Variants in ZC3H13 observed in about 807,000 individuals in gnomAD.
ZC3H13 encodes the protein zinc finger CCCH domain-containing protein 13.
A neutral mutation model predicts 204.1 loss-of-function variants in ZC3H13; 64 were observed. The observed-to-expected ratio is 0.31, with a 90% CI of 0.26 to 0.39. The LOEUF (loss-of-function observed/expected upper bound fraction) is 0.39. Ranked by LOEUF, ZC3H13 falls within the 10% of genes least tolerant of loss-of-function variation. ZC3H13 has a pLI of 1.00. For missense variants in ZC3H13, 1,833 were observed against 2,082.7 expected (o/e 0.88, Z 2.33); for synonymous variants, 667 against 693.7 (o/e 0.96, Z 0.60).
chr13:45,985,189 T>G, intron 10 of ZC3H13, 108 bp downstream of exon 10: 1 of 1,176,760 alleles, frequency 8.5e-7, no homozygotes, highest in Non-Finnish European at 1.2e-6. Flanking sequence ...TAATTAAAAA[T>G]TACTGTGACA....
At chr13:46,008,360 GT>G (rs1357848458) in intron 7 of ZC3H13, among the ~76,000 whole-genome samples, 1 of 150,810 alleles carries the variant, frequency 6.6e-6, no homozygotes, top group Non-Finnish European at 1.5e-5. Flanking sequence ...TCAATTAAAT[GT>G]TTTCTTTGTA....
At chr13:46,041,043 C>T (rs1173444519) in intron 4 of ZC3H13, among the ~76,000 whole-genome samples, 1 of 152,136 alleles carries the variant, frequency 6.6e-6, no homozygotes, top group African/African-American at 2.4e-5. Context: ...GTTAAACACA[C>T]AGTTACCGTA....
intron 4 of ZC3H13, among the ~76,000 whole-genome samples, chr13:46,036,036 A>AT (rs944665294): frequency 9.9e-5 from 15 of 151,808 alleles, no homozygotes; most frequent in African/African-American, 3.4e-4. Flanking sequence ...TAATCCCAAC[A>AT]TTTTTGGAGG....
intron 8 of ZC3H13, among the ~76,000 whole-genome samples, chr13:45,991,424 T>C (rs2039963451): frequency 1.3e-5 from 2 of 152,226 alleles, no homozygotes; most frequent in Admixed American, 1.3e-4. Context: ...AACTTTTTAA[T>C]CATATTTTCT....
chr13:46,051,582 ATAAG>A (rs1430810646), intron 1 of ZC3H13, among the ~76,000 whole-genome samples: 1 of 152,236 alleles, frequency 6.6e-6, no homozygotes, highest in African/African-American at 2.4e-5. Context: ...ACTGAACTGC[ATAAG>A]TATTTATTCT....
chr13:46,004,575 A>C (rs530480140), intron 7 of ZC3H13, among the ~76,000 whole-genome samples: 8 of 152,250 alleles, frequency 5.3e-5, no homozygotes, highest in Non-Finnish European at 5.9e-5. Flanking sequence ...AGATTTAGGT[A>C]ATCATTTTTA....
Position 45,968,884 on chromosome 13 carries a change from G to T in ZC3H13, c.3660C>A (p.Asp1220Glu). 1 of 1,614,062 alleles carries T rather than the reference G, an allele frequency of 6.2e-7. No homozygotes were observed. Residue 1220 changes from aspartate to glutamate, a missense_variant, in exon 14 of 19, where the codon GAC becomes GAA. Physicochemically the swap from Asp to Glu is conservative, Grantham distance 45. Coordinates refer to ENST00000679008, the MANE Select transcript of ZC3H13 (RefSeq NM_001330564.2). ...SNDSAHRSGD[D>E]QSGRKRVLHS... ...GCAGTACTCTCTTTCGACCACTTTG[G>T]TCATCTCCACTTCGATGGGCTGAAT...
intron 1 of ZC3H13, among the ~76,000 whole-genome samples, chr13:46,049,092 C>A (rs1488127299): frequency 1.4e-5 from 2 of 147,602 alleles, no homozygotes; most frequent in African/African-American, 5.0e-5. Flanking sequence ...GTGGAGGTTG[C>A]AGTGAGCCGA....
chr13:45,988,460 T>C (rs1006483156), intron 9 of ZC3H13, among the ~76,000 whole-genome samples: 1 of 152,118 alleles, frequency 6.6e-6, no homozygotes, highest in African/African-American at 2.4e-5. Flanking sequence ...GGTCTCACCA[T>C]ATTAGCCAGG....
chr13:46,032,564 C>T (rs1352552409), intron 4 of ZC3H13, among the ~76,000 whole-genome samples: 1 of 152,142 alleles, frequency 6.6e-6, no homozygotes, highest in Non-Finnish European at 1.5e-5. Flanking sequence ...GCTCTGTGTG[C>T]TGCTGGCAAC....
intron 5 of ZC3H13, among the ~76,000 whole-genome samples, chr13:46,012,133 T>C (rs1227703197): frequency 6.6e-6 from 1 of 152,224 alleles, no homozygotes; most frequent in African/African-American, 2.4e-5. Flanking sequence ...TTACAAGTGA[T>C]TTGTACTATT....
intron 16 of ZC3H13, among the ~76,000 whole-genome samples, 198 bp from the exon 17 acceptor site, chr13:45,964,240 C>T (rs1194989699): frequency 6.6e-6 from 1 of 152,152 alleles, no homozygotes; most frequent in Non-Finnish European, 1.5e-5. Context: ...AAAACCTTCC[C>T]ACCAAAAGAA....
At chr13:46,003,052 A>G in intron 8 of ZC3H13, 87 bp downstream of exon 8, 1 of 1,379,078 alleles carries the variant, frequency 7.3e-7, no homozygotes, top group Non-Finnish European at 9.9e-7. Flanking sequence ...AAAAAACCCA[A>G]TATGCTAATG....
At chr13:46,047,642 T>C (rs988719117) in intron 1 of ZC3H13, among the ~76,000 whole-genome samples, 1 of 152,252 alleles carries the variant, frequency 6.6e-6, no homozygotes, top group East Asian at 1.9e-4. Context: ...GAGAAAGATC[T>C]AGAAAATGTA....
intron 8 of ZC3H13, among the ~76,000 whole-genome samples, chr13:45,999,880 T>C (rs1031020780): frequency 1.3e-5 from 2 of 152,200 alleles, no homozygotes; most frequent in African/African-American, 4.8e-5. Context: ...TAGGGTGCCT[T>C]TTGTCTTAGC....
Position 45,969,810 on chromosome 13 carries a change from CCTT to C in ZC3H13, c.2731_2733del (p.Lys911del). On this transcript the variant is annotated inframe_deletion, in exon 14 of 19. Transcript: ENST00000679008. ...TGTTTATCTACAGAAGAAACTTTCT[CCTT>C]GAGTTCCTGTTCTTCGTAGCGCCTT... The C allele has an allele frequency of 6.2e-7, 1 of 1,613,906 alleles. No homozygotes were observed. The highest frequency in any genetic ancestry group is 1.1e-5 in the South Asian group (1 of 91,088).
chr13:46,024,231 G>A (rs201914769), intron 4 of ZC3H13, among the ~76,000 whole-genome samples: 9 of 132,756 alleles, frequency 6.8e-5, no homozygotes, highest in Non-Finnish European at 1.5e-4. Flanking sequence ...GATAACTTCA[G>A]GCTATAACAA....
intron 8 of ZC3H13, among the ~76,000 whole-genome samples, chr13:45,996,488 A>C (rs2040342075): frequency 6.6e-6 from 1 of 152,216 alleles, no homozygotes; most frequent in Non-Finnish European, 1.5e-5. Context: ...ATACTAATGG[A>C]AACTTCCAGA....
chr13:45,994,824 G>C (rs1407042672), intron 8 of ZC3H13, among the ~76,000 whole-genome samples: 3 of 152,130 alleles, frequency 2.0e-5, no homozygotes, highest in Non-Finnish European at 2.9e-5. Context: ...CCAAGAAACA[G>C]TAGATAATCC....
Sources: allele counts gnomAD v4.1 joint callset (sites outside exome capture counted in the v4.1 genomes callset), GRCh38; gene constraint gnomAD v4.1.1; transcripts MANE v1.5; gene names NCBI Gene and HGNC (gene_info 2026-07-23, HGNC 2026-07-21).